Variants in OVGP1 observed in about 807,000 individuals in gnomAD.
OVGP1 encodes oviductal glycoprotein 1, also known as oviduct-specific glycoprotein.
In OVGP1, 26 loss-of-function variants were observed where a neutral mutation model predicts 48.2. The ratio of observed to expected loss-of-function variants is 0.54; its 90% CI spans 0.40 to 0.75. The LOEUF is 0.75. Among genes scored for constraint, OVGP1 ranks in the 30% least tolerant of loss-of-function variants. The pLI is 0.00. For missense variants in OVGP1, 791 were observed against 820.6 expected, an observed-to-expected ratio of 0.96 and a Z score of 0.44; for synonymous variants, 294 against 305.7, an observed-to-expected ratio of 0.96 and a Z score of 0.40.
intron 6 of OVGP1, among the ~76,000 whole-genome samples, chr1:111,422,528 T>G (rs935299327): frequency 2.6e-5 from 4 of 152,226 alleles, no homozygotes; most frequent in African/African-American, 7.2e-5. Flanking sequence ...TTCCTGTTTT[T>G]GTTTTTGTGA....
chr1:111,421,460 G>T lies in OVGP1; in HGVS notation c.719C>A (p.Ala240Glu). ...FSLPEDPKSS[A>E]YAMNYWRKLG... ...CTTTCTCCAATAATTCATAGCATAT[G>T]CCTGCAGGTAAGAAGAATCCAGACT... Residue 240 changes from alanine (A) to glutamate (E), a missense_variant and splice_region_variant, in exon 8 of 11, where the codon GCA (alanine) becomes GAA (glutamate). Ala to Glu is a moderately radical substitution (Grantham distance 107, BLOSUM62 -1). Transcript: ENST00000369732. The T allele has an allele frequency of 6.2e-7, 1 of 1,610,470 alleles. No individual in the cohort carries two copies. The highest frequency in any genetic ancestry group is 8.5e-7 in the Non-Finnish European group (1 of 1,178,364).
At position 111,416,390 on chromosome 1, in the gene OVGP1, CCT is replaced by C; in HGVS notation, c.1087_1088del (p.Arg363GlyfsTer17). On this transcript the variant is annotated frameshift_variant, in exon 10 of 11. Coordinates refer to ENST00000369732, the MANE Select transcript of OVGP1 (RefSeq NM_002557.4). LOFTEE classifies it high-confidence loss of function. ...AAGGGCCAGTGCCACAGAACGTGCC[CCT>C]GACGTCATCCATGTCCAATGTCCAC... ...MVWTLDMDDVRGTFCGTGPFP... is the reference protein window; with the variant it reads ...MVWTLDMDDVXGTFCGTGPFP... 6.2e-7 allele frequency: 1 copy of C among 1,609,484 alleles called. No homozygotes were observed. Among genetic ancestry groups the C allele is most frequent in the Non-Finnish European group, 8.5e-7 (1 of 1,177,958 alleles).
rs1391134955 is a variant in OVGP1, at chr1:111,423,627, A to G, written c.399T>C (p.Phe133=). 1.2e-6 allele frequency: 2 copies of G among 1,614,220 alleles called. No homozygotes were observed. The highest frequency in any genetic ancestry group is 4.5e-5 in the East Asian group (2 of 44,890). The change falls in exon 5 of 11, where the codon TTT becomes TTC. Residue 133 remains phenylalanine, a synonymous_variant. Transcript: ENST00000369732. The part of the protein sequence containing the change: ...SVISLLRTHD[F]DGLDLFFLYP... Reference sequence around the variant, plus strand: ...ATAAGAAGAAAAGGTCAAGACCATCAAAGTCATGTGTCCTCAGAAGGGATA... The same window carrying G: ...ATAAGAAGAAAAGGTCAAGACCATCGAAGTCATGTGTCCTCAGAAGGGATA...
intron 4 of OVGP1, among the ~76,000 whole-genome samples, chr1:111,424,375 A>G (rs910976162): frequency 1.9e-4 from 29 of 152,234 alleles, no homozygotes; most frequent in African/African-American, 7.0e-4. Flanking sequence ...ACTTTAAGCA[A>G]CTCTGGGGTA....
rs77028996 is a variant in OVGP1 at position 111,424,975 on chromosome 1, T to C, written c.317+408A>G. On this transcript the variant is annotated intron_variant, in intron 4 of 10. Coordinates refer to ENST00000369732, the MANE Select transcript of OVGP1 (RefSeq NM_002557.4). ...AAGCTTAGCATTTTGTTATTTCCTT[T>C]CCTCTGTTCCAACCCTTTGAGGTTG... Among the ~76,000 whole-genome samples the C allele has an allele frequency of 9.1e-3, 1,389 of 152,336 alleles. 13 individuals carry two copies. Among genetic ancestry groups the C allele is most frequent in the East Asian group, 0.019 (97 of 5,182 alleles).
At chr1:111,417,301 TCA>T (rs766105908) in intron 9 of OVGP1, among the ~76,000 whole-genome samples, 1 of 152,244 alleles carries the variant, frequency 6.6e-6, no homozygotes, top group Non-Finnish European at 1.5e-5. Flanking sequence ...TATATGCTTC[TCA>T]CAGATGAGAA....
Position 111,423,597 on chromosome 1 carries a change from A to G in OVGP1, c.429T>C (p.Pro143=). Residue 143 remains proline, a synonymous_variant, in exon 5 of 11, where the codon CCT becomes CCC. Transcript: ENST00000369732. ...CATGCATGGGGCTGCCTCTTAGTCC[A>G]GGATATAAGAAGAAAAGGTCAAGAC... ...FDGLDLFFLY[P]GLRGSPMHDR... is the part of the protein sequence containing the mutation. The G allele has an allele frequency of 3.1e-6, 5 of 1,614,204 alleles. No homozygotes were observed. Among genetic ancestry groups the G allele is most frequent in the African/African-American group, 1.3e-5 (1 of 75,048 alleles).
Position 111,426,631 on chromosome 1 carries a change from A to G in OVGP1, c.66T>C (p.His22=). The change falls in exon 3 of 11, where the codon CAT becomes CAC. Residue 22 remains histidine, a synonymous_variant. Transcript: ENST00000369732. ...AGTTGGTGAAATAACACACGAGTTT[A>G]TGGGCAGCACCTGGTAAGGGAGAGC... ...LVLKHHDGAA[H]KLVCYFTNWA... The G allele has an allele frequency of 6.2e-7, 1 of 1,613,868 alleles. No individual in the cohort carries two copies. The highest frequency in any genetic ancestry group is 8.5e-7 in the Non-Finnish European group (1 of 1,179,882).
intron 3 of OVGP1, 80 bp from the exon 4 acceptor site, chr1:111,425,519 C>T (rs2101729215): frequency 2.5e-6 from 4 of 1,595,652 alleles, no homozygotes; most frequent in South Asian, 2.3e-5. Flanking sequence ...TTATTTTGCT[C>T]ATTGGAAGAA....
intron 1 of OVGP1, 49 bp from the exon 2 acceptor site, chr1:111,427,140 G>A (rs1259834551): frequency 1.2e-6 from 2 of 1,613,378 alleles, no homozygotes; most frequent in Admixed American, 3.3e-5. Context: ...ACCCTCACCA[G>A]AGTGGTATGG....
At chr1:111,426,368 G>A (rs541251595) in intron 3 of OVGP1, 69 bp downstream of exon 3, 4 of 1,605,316 alleles carry the variant, frequency 2.5e-6, no homozygotes, top group South Asian at 1.1e-5. Context: ...AGAGTAACAG[G>A]AGAAATAGAC....
At position 111,414,580 on chromosome 1, in the gene OVGP1, G is replaced by A. The variant is rs752564902; in HGVS notation, c.1921C>T (p.Arg641Cys). 8.1e-6 allele frequency: 13 copies of A among 1,614,014 alleles called. No individual in the cohort carries two copies. The Admixed American group carries it at 8.3e-5, about 10-fold the overall frequency. Residue 641 changes from arginine to cysteine, a missense_variant, in exon 11 of 11, where the codon CGC (arginine) becomes TGC (cysteine). Arg to Cys is a radical substitution (Grantham distance 180). Coordinates refer to ENST00000369732, the MANE Select transcript of OVGP1 (RefSeq NM_002557.4). ...PEQTPLAFDN[R>C]FVPIYGNHSS... ...TGGTTTCCATAGATGGGAACAAAGC[G>A]GTTGTCAAAAGCTAGAGGAGTTTGT...
At chr1:111,424,075 C>G (rs573405288) in intron 4 of OVGP1, among the ~76,000 whole-genome samples, 1 of 152,354 alleles carries the variant, frequency 6.6e-6, no homozygotes, top group Non-Finnish European at 1.5e-5. Context: ...CCTCTCTGTG[C>G]TGTCTCCTCA....
rs1652329129 is a variant in OVGP1, at chr1:111,423,670, T to G, written c.356A>C (p.Lys119Thr). The change falls in exon 5 of 11, where the codon AAG (lysine) becomes ACG (threonine). Residue 119 changes from lysine to threonine, a missense_variant. By Grantham distance (78) the Lys-to-Thr change is moderately conservative. Transcript: ENST00000369732. ...AAGGGATATAACTGAAGCAATAAAC[T>G]TTTCACGGTTGGCAAATGTGGACAA... ...TMLSTFANRE[K>T]FIASVISLLR... The G allele has an allele frequency of 1.2e-6, 2 of 1,614,082 alleles. No homozygotes were observed. The highest frequency in any genetic ancestry group is 2.7e-5 in the African/African-American group (2 of 75,018).
chr1:111,422,382 T>G (rs1405748405), intron 6 of OVGP1, among the ~76,000 whole-genome samples: 2 of 152,244 alleles, frequency 1.3e-5, no homozygotes, highest in East Asian at 3.8e-4. Context: ...TTTCCTCTTC[T>G]GTAAATACTT....
At chr1:111,426,875 C>G (rs1652413614) in intron 2 of OVGP1, 187 bp downstream of exon 2, 5 of 1,548,456 alleles carry the variant, frequency 3.2e-6, no homozygotes, top group Non-Finnish European at 4.4e-6. Context: ...ATTCTCAAGT[C>G]TGGACCAAGG....
chr1:111,420,606 C>A (rs1652243406), intron 8 of OVGP1, among the ~76,000 whole-genome samples: 1 of 152,226 alleles, frequency 6.6e-6, no homozygotes, highest in Non-Finnish European at 1.5e-5. Flanking sequence ...TCAAACTCTA[C>A]CTGCTCCATA....
chr1:111,414,760 T>A lies in OVGP1; in HGVS notation c.1741A>T (p.Ile581Leu). 1.2e-6 allele frequency: 2 copies of A among 1,610,896 alleles called. No individual in the cohort carries two copies. The highest frequency in any genetic ancestry group is 1.7e-6 in the Non-Finnish European group (2 of 1,177,464). ...REKVTVPSRN[I>L]SVTPEGQTMP... is the part of the protein sequence containing the mutation. ...GTCTGCCCTTCAGGGGTGACTGATA[T>A]GTTTCTGGAGGGGACAGTCACCTTT... The change falls in exon 11 of 11, where the codon ATA becomes TTA. Residue 581 changes from isoleucine (I) to leucine (L), a missense_variant. Ile to Leu is a conservative substitution (Grantham distance 5). Coordinates refer to ENST00000369732, the MANE Select transcript of OVGP1 (RefSeq NM_002557.4).
At chr1:111,415,592 A>G (rs1652115266) in intron 10 of OVGP1, among the ~76,000 whole-genome samples, 1 of 152,200 alleles carries the variant, frequency 6.6e-6, no homozygotes, top group African/African-American at 2.4e-5. Flanking sequence ...TACATTTTCC[A>G]TGAATGACCT....
Sources: gnomAD v4.1 joint callset for allele counts (sites outside exome capture counted in the v4.1 genomes callset) on GRCh38, gnomAD v4.1.1 for gene constraint, MANE v1.5 for transcripts, NCBI Gene and HGNC (gene_info 2026-07-23, HGNC 2026-07-21) for gene names.